EPB42: variants seen among roughly 807,000 people sequenced by gnomAD.
EPB42 encodes protein 4.2.
A neutral mutation model predicts 76.9 loss-of-function variants in EPB42; 49 were observed. That is an observed-to-expected ratio of 0.64 (90% CI 0.51 to 0.81). EPB42 has a LOEUF of 0.81. Among genes scored for constraint, EPB42 ranks in the 30% least tolerant of loss-of-function variants. The pLI is 0.00. For synonymous variants in EPB42, 310 were observed against 338.4 expected, an observed-to-expected ratio of 0.92 and a Z score of 0.92; for missense variants, 731 against 867.6, an observed-to-expected ratio of 0.84 and a Z score of 1.98.
intron 10 of EPB42, among the ~76,000 whole-genome samples, chr15:43,205,169 G>T (rs1181936493): frequency 6.6e-6 from 1 of 152,028 alleles, no homozygotes; most frequent in Non-Finnish European, 1.5e-5. Context: ...CTTAGCAAGA[G>T]AGACAAGACC....
In EPB42 at chr15:43,206,067, T is replaced by G; in HGVS notation, c.1618+263A>C. On this transcript the variant is annotated intron_variant, in intron 10 of 12. Transcript: ENST00000441366. This position sits in a 1 kb window ranked among gnomAD's most constrained non-coding sequence, Gnocchi z 4.7. ...GGTGCTCTCCTGCCACTGTACTCTGTTAAACTCAGCAAACACTTCTCACAC... is the reference window on the plus strand; with the variant it reads ...GGTGCTCTCCTGCCACTGTACTCTGGTAAACTCAGCAAACACTTCTCACAC... The G allele has an allele frequency of 2.3e-6, 1 of 433,162 alleles. No homozygotes were observed. The highest frequency in any genetic ancestry group is 3.6e-5 in the East Asian group (1 of 27,932). The allele number at this position is 433,162 out of a possible 1,614,324, so 26.8% of individuals were successfully genotyped here.
Position 43,209,365 on chromosome 15 carries a change from G to A in EPB42, c.741C>T (p.Gly247=), listed in dbSNP as rs115626075. The A allele has an allele frequency of 1.9e-6, 3 of 1,613,968 alleles. No homozygotes were observed. Among genetic ancestry groups the A allele is most frequent in the Admixed American group, 1.7e-5 (1 of 60,004 alleles). Residue 247 remains glycine, a synonymous_variant, in exon 6 of 13, where the codon GGC becomes GGT. Transcript: ENST00000441366. The stretch of plus-strand genomic sequence containing the variant: ...GCCACTGCCGCAGGATGGGCACGCT[G>A]CCCCGGCGCTTGTTCAGCAAGGCCC... ...QEGALLNKRR[G]SVPILRQWLT... is the part of the protein sequence containing the mutation.
rs1453489914 is a variant in EPB42 at position 43,197,320 on chromosome 15, G to T, written c.2058C>A (p.Ala686=). The T allele has an allele frequency of 2.5e-6, 4 of 1,614,058 alleles. No homozygotes were observed. Among genetic ancestry groups the T allele is most frequent in the African/African-American group, 1.3e-5 (1 of 74,926 alleles). ...LTNYKSVTVV[A]PELSA ...TGGAAGTTTAAGCTGATAGTTCAGG[G>T]GCTACCACGGTGACGCTTTTATAGT... is the stretch of plus-strand genomic sequence containing the variant. Residue 686 remains alanine, a synonymous_variant, in exon 13 of 13, where the codon GCC becomes GCA. Transcript: ENST00000441366.
At chr15:43,203,924 A>C (rs975722415) in intron 10 of EPB42, among the ~76,000 whole-genome samples, 4 of 152,216 alleles carry the variant, frequency 2.6e-5, no homozygotes, top group African/African-American at 7.2e-5. Flanking sequence ...GCAAATAGTA[A>C]GTGCCTGATA....
Position 43,207,394 on chromosome 15 carries a change from T to C in EPB42, c.1123A>G (p.Thr375Ala). 1 of 1,614,034 alleles carries C rather than the reference T, an allele frequency of 6.2e-7. No individual in the cohort carries two copies. Among genetic ancestry groups the C allele is most frequent in the Non-Finnish European group, 8.5e-7 (1 of 1,179,994 alleles). ...GACACTGCTGGGGTCAGCCCCAGCG[T>C]CCCCTCCTTGACTGCTCTGACCGGC... ...LVPVRAVKEG[T>A]LGLTPAVSDL... Residue 375 changes from threonine to alanine, a missense_variant, in exon 9 of 13, where the codon ACG becomes GCG. Thr to Ala is a moderately conservative substitution (Grantham distance 58). Transcript: ENST00000441366.
chr15:43,216,203 G>A, intron 2 of EPB42, 65 bp downstream of exon 2: 1 of 1,589,006 alleles, frequency 6.3e-7, no homozygotes, highest in Non-Finnish European at 8.6e-7. Context: ...CCCTAACAGG[G>A]TGCTGGAGAG....
rs1467634319 is a variant in EPB42 at position 43,206,530 on chromosome 15, C to T, written c.1418G>A (p.Ser473Asn). 1 of 1,614,186 alleles carries T rather than the reference C, an allele frequency of 6.2e-7. No homozygotes were observed. The highest frequency in any genetic ancestry group is 1.1e-5 in the South Asian group (1 of 91,074). Reference sequence around the variant, plus strand: ...TGCTTTCAAGAGCAGGTACAGAGGACTGGCAGTCTCGAGACTGGGAGGACG... The same window carrying T: ...TGCTTTCAAGAGCAGGTACAGAGGATTGGCAGTCTCGAGACTGGGAGGACG... The part of the protein sequence containing the change: ...GIRPPSLETA[S>N]PLYLLLKAPS... The change falls in exon 10 of 13, where the codon AGT (serine) becomes AAT (asparagine). Residue 473 changes from serine to asparagine, a missense_variant. Physicochemically the swap from Ser to Asn is conservative, Grantham distance 46. Coordinates refer to ENST00000441366, the MANE Select transcript of EPB42 (RefSeq NM_001114134.2). The surrounding 1 kb of genome is among the most constrained non-coding windows in gnomAD (Gnocchi z 4.7).
rs369552071 is a variant in EPB42 at position 43,220,763 on chromosome 15, T to C, written c.10+53A>G. 129 of 1,609,430 alleles carry C rather than the reference T, an allele frequency of 8.0e-5. No homozygotes were observed. The highest frequency in any genetic ancestry group is 1.1e-4 in the Non-Finnish European group (124 of 1,177,752). ...TTCCTTTAATGAAAACAGGTGATGC[T>C]GCGGGGGCTGCATACAGTCCAGCAA... On this transcript the variant is annotated intron_variant, in intron 1 of 12. Transcript: ENST00000441366.
At chr15:43,215,798 G>C (rs753863944) in intron 2 of EPB42, among the ~76,000 whole-genome samples, 3 of 152,228 alleles carry the variant, frequency 2.0e-5, no homozygotes, top group Admixed American at 6.5e-5. Flanking sequence ...CTGGGTTCAA[G>C]TGATTCTACT....
chr15:43,220,838 C>T lies in EPB42; in HGVS notation c.-13G>A. 6.2e-7 allele frequency: 1 copy of T among 1,609,544 alleles called. No homozygotes were observed. Among genetic ancestry groups the T allele is most frequent in the Non-Finnish European group, 8.5e-7 (1 of 1,179,554 alleles). ...CACCCTGTCCCATGGTTGCAGGCCGCTCCTCTTATCCACTTGGCCGCAGAA... is the reference window on the plus strand; with the variant it reads ...CACCCTGTCCCATGGTTGCAGGCCGTTCCTCTTATCCACTTGGCCGCAGAA... On this transcript the variant is annotated 5_prime_UTR_variant, in exon 1 of 13. Coordinates refer to ENST00000441366, the MANE Select transcript of EPB42 (RefSeq NM_001114134.2).
In EPB42 at chr15:43,206,514, G is replaced by T. The variant is rs2042207223; in HGVS notation, c.1434C>A (p.Leu478=). The change falls in exon 10 of 13, where the codon CTC becomes CTA. Residue 478 remains leucine, a synonymous_variant. Transcript: ENST00000441366. This position sits in a 1 kb window ranked among gnomAD's most constrained non-coding sequence, Gnocchi z 4.7. ...GGGGTAGGGAGCTGGGTGCTTTCAAGAGCAGGTACAGAGGACTGGCAGTCT... is the reference window on the plus strand; with the variant it reads ...GGGGTAGGGAGCTGGGTGCTTTCAATAGCAGGTACAGAGGACTGGCAGTCT... The part of the protein sequence containing the change: ...SLETASPLYL[L]LKAPSSLPLR... 6.2e-7 allele frequency: 1 copy of T among 1,614,098 alleles called. No individual in the cohort carries two copies. The highest frequency in any genetic ancestry group is 2.2e-5 in the East Asian group (1 of 44,884).
At chr15:43,214,432 G>GTT in intron 3 of EPB42, among the ~76,000 whole-genome samples, 1 of 152,126 alleles carries the variant, frequency 6.6e-6, no homozygotes, top group East Asian at 1.9e-4. Context: ...CCTTGGGTAG[G>GTT]GGGGTCTGGA....
chr15:43,203,172 G>T lies in EPB42; in HGVS notation c.1722C>A (p.Asn574Lys), dbSNP rs758603689. ...LTAMATHSES[N>K]LSCFAQEDIA... ...TGTCTTCCTGAGCAAAGCAGCTAAG[G>T]TTGGATTCAGAGTGTGTTGCCATGG... The change falls in exon 11 of 13, where the codon AAC (asparagine) becomes AAA (lysine). Residue 574 changes from asparagine to lysine, a missense_variant. Physicochemically the swap from Asn to Lys is moderately conservative, Grantham distance 94 (BLOSUM62 0). Transcript: ENST00000441366. 2.5e-6 allele frequency: 4 copies of T among 1,614,120 alleles called. No homozygotes were observed. The highest frequency in any genetic ancestry group is 1.3e-5 in the African/African-American group (1 of 75,016).
At position 43,197,293 on chromosome 15, in the gene EPB42, G is replaced by C; in HGVS notation, c.*9C>G. 1 of 1,614,178 alleles carries C rather than the reference G, an allele frequency of 6.2e-7. No individual in the cohort carries two copies. Among genetic ancestry groups the C allele is most frequent in the African/African-American group, 1.3e-5 (1 of 75,054 alleles). On this transcript the variant is annotated 3_prime_UTR_variant, in exon 13 of 13. Coordinates refer to ENST00000441366, the MANE Select transcript of EPB42 (RefSeq NM_001114134.2). ...GGGTTGGCAGGAGAGTGGTGATAGAGCTGGAAGTTTAAGCTGATAGTTCAG... is the reference window on the plus strand; with the variant it reads ...GGGTTGGCAGGAGAGTGGTGATAGACCTGGAAGTTTAAGCTGATAGTTCAG...
intron 8 of EPB42, among the ~76,000 whole-genome samples, chr15:43,207,841 T>C (rs575989543): frequency 2.3e-4 from 35 of 152,278 alleles, no homozygotes; most frequent in African/African-American, 7.9e-4. Flanking sequence ...TTTTTGTGGG[T>C]CCTGAAGCTT....
In EPB42 at chr15:43,200,816, A is replaced by AT. The variant is rs1401024577; in HGVS notation, c.1913+1027_1913+1028insA. Reference sequence around the variant, plus strand: ...GGGTATATATCCCCAGACTCCACCAAATTTTTTTTTTTTTTTGAGATGGAG... The same window carrying AT: ...GGGTATATATCCCCAGACTCCACCAATATTTTTTTTTTTTTTTGAGATGGAG... On this transcript the variant is annotated intron_variant, in intron 12 of 12. Coordinates refer to ENST00000441366, the MANE Select transcript of EPB42 (RefSeq NM_001114134.2). Among the ~76,000 whole-genome samples, 50 of 23,694 alleles carry AT rather than the reference A, an allele frequency of 2.1e-3. 2 individuals carry two copies. The highest frequency in any genetic ancestry group is 8.9e-3 in the African/African-American group (45 of 5,084). 15.5% of individuals were successfully genotyped at this position (23,694 alleles called of 152,430 possible). A position where few individuals can be genotyped will look rare whatever the true frequency, so the allele number is the denominator to read the frequency against.
At chr15:43,225,275 T>G (rs565854114), upstream of EPB42, among the ~76,000 whole-genome samples, 1 of 152,382 alleles carries the variant, frequency 6.6e-6, no homozygotes, top group South Asian at 2.1e-4. Flanking sequence ...CCTTTGTATC[T>G]TTGTGCCATG....
chr15:43,198,899 G>A (rs866613749), intron 12 of EPB42, among the ~76,000 whole-genome samples: 1 of 152,362 alleles, frequency 6.6e-6, no homozygotes. Flanking sequence ...TGTGGCTTCA[G>A]AGGGTGGAAG....
upstream of EPB42, among the ~76,000 whole-genome samples, chr15:43,223,097 C>T (rs1256908000): frequency 6.6e-6 from 1 of 152,130 alleles, no homozygotes; most frequent in East Asian, 1.9e-4. Context: ...GCGGGTGGAT[C>T]ACGAGGTCAG....
Sources: gnomAD v4.1 joint callset for allele counts (sites outside exome capture counted in the v4.1 genomes callset) on GRCh38, gnomAD v4.1.1 for gene constraint, Gnocchi (gnomAD v3.1) non-coding constraint, MANE v1.5 for transcripts, NCBI Gene and HGNC (gene_info 2026-07-23, HGNC 2026-07-21) for gene names.